NHS: variants seen among roughly 807,000 people sequenced by gnomAD.
The protein encoded by NHS is NHS actin remodeling regulator.
Under a neutral mutation model 72.5 loss-of-function variants are expected in NHS, and 5 were observed. The ratio of observed to expected loss-of-function variants is 0.07; its 90% CI spans 0.04 to 0.14. The LOEUF is 0.14. NHS is among the 10% of genes least tolerant of loss of function. The pLI is 1.00. For synonymous variants in NHS, 464 were observed against 547.7 expected (o/e 0.85, Z 2.13); for missense variants, 1,072 against 1,355.7 (o/e 0.79, Z 3.29).
intron 1 of NHS, among the ~76,000 whole-genome samples, chrX:17,399,194 C>T (rs957507772): frequency 2.7e-5 from 3 of 110,236 alleles, no homozygotes; most frequent in South Asian, 7.8e-4. Context: ...CTCCACCTCC[C>T]GGGTTCAAGT....
Position 17,489,739 on chromosome X carries a change from G to A in NHS, c.565+113417G>A, listed in dbSNP as rs138198155. 4.6e-3 allele frequency among the ~76,000 whole-genome samples: 510 copies of A among 111,756 alleles called. 4 individuals carry two copies. Among genetic ancestry groups the A allele is most frequent in the African/African-American group, 0.015 (476 of 30,762 alleles). ...CCTGACCTTGTGATCTGCCCACCTC[G>A]GCCTCCCAAAGTGCTGGGATTACAG... On this transcript the variant is annotated intron_variant, in intron 1 of 8. Transcript: ENST00000676302.
chrX:17,673,566 T>A (rs1312616276), intron 1 of NHS, among the ~76,000 whole-genome samples: 1 of 111,344 alleles, frequency 9.0e-6, no homozygotes, highest in Non-Finnish European at 1.9e-5. Flanking sequence ...CAAATAAGAT[T>A]AGCTATATTG....
intron 1 of NHS, among the ~76,000 whole-genome samples, chrX:17,673,944 G>A (rs1039158265): frequency 8.9e-6 from 1 of 111,968 alleles, no homozygotes. Flanking sequence ...TTTTGAACTT[G>A]TGTGGCAGCC....
intron 1 of NHS, among the ~76,000 whole-genome samples, chrX:17,671,108 G>A (rs1440787684): frequency 8.9e-6 from 1 of 112,252 alleles, no homozygotes; most frequent in Non-Finnish European, 1.9e-5. Context: ...CACTGCCTGA[G>A]GATCCTCCCT....
At chrX:17,570,718 C>G (rs58403330) in intron 1 of NHS, among the ~76,000 whole-genome samples, 2 of 111,021 alleles carry the variant, frequency 1.8e-5, no homozygotes, top group East Asian at 5.6e-4. Flanking sequence ...TGAATAGGAG[C>G]GGTGAGAGAG....
At chrX:17,618,575 C>T (rs1413750767) in intron 1 of NHS, among the ~76,000 whole-genome samples, 2 of 111,942 alleles carry the variant, frequency 1.8e-5, no homozygotes, top group African/African-American at 6.5e-5. Flanking sequence ...GGAATAGAGA[C>T]ATGCAATGTA....
chrX:17,635,375 A>C (rs2065840524), intron 1 of NHS: 1 of 1,129,928 alleles, frequency 8.9e-7, no homozygotes, highest in African/African-American at 1.8e-5. Context: ...TCCAGGGGGG[A>C]GTCCTAGATG....
intron 1 of NHS, among the ~76,000 whole-genome samples, chrX:17,628,868 A>T (rs1410481613): frequency 8.8e-6 from 1 of 113,317 alleles, no homozygotes; most frequent in Non-Finnish European, 1.9e-5. Flanking sequence ...AATAGCACAT[A>T]CAAAGAACTT....
intron 1 of NHS, among the ~76,000 whole-genome samples, chrX:17,637,031 A>C (rs948935960): frequency 8.9e-6 from 1 of 111,872 alleles, no homozygotes; most frequent in Non-Finnish European, 1.9e-5. Context: ...ATAACAGTGC[A>C]TGTTTTTAAA....
At chrX:17,421,360 G>A (rs1405742971) in intron 1 of NHS, among the ~76,000 whole-genome samples, 4 of 109,532 alleles carry the variant, frequency 3.7e-5, no homozygotes, top group Non-Finnish European at 7.6e-5. Flanking sequence ...TCTTTCTGGC[G>A]GAGAGTCATT....
chrX:17,516,319 G>A (rs1452160027), intron 1 of NHS, among the ~76,000 whole-genome samples: 1 of 111,393 alleles, frequency 9.0e-6, no homozygotes, highest in African/African-American at 3.3e-5. Flanking sequence ...AGAAGCATTA[G>A]GCTTGGAGAA....
At chrX:17,418,202 A>G (rs1298285576) in intron 1 of NHS, among the ~76,000 whole-genome samples, 1 of 112,207 alleles carries the variant, frequency 8.9e-6, no homozygotes, top group African/African-American at 3.2e-5. Context: ...TAATGCAAAA[A>G]GAGAAGGTAA....
intron 1 of NHS, among the ~76,000 whole-genome samples, chrX:17,452,501 T>G (rs1438770354): frequency 9.3e-6 from 1 of 107,598 alleles, no homozygotes; most frequent in Non-Finnish European, 1.9e-5. Context: ...GTTTTTTTTT[T>G]TTGTTTTTGT....
At chrX:17,611,037 A>C (rs1231620788) in intron 1 of NHS, among the ~76,000 whole-genome samples, 1 of 112,427 alleles carries the variant, frequency 8.9e-6, no homozygotes, top group Non-Finnish European at 1.9e-5. Flanking sequence ...AATTGCGCTT[A>C]AGATGAATCT....
chrX:17,400,110 G>A (rs2064496033), intron 1 of NHS, among the ~76,000 whole-genome samples: 1 of 111,557 alleles, frequency 9.0e-6, no homozygotes, highest in African/African-American at 3.3e-5. Context: ...AATTGGAAAA[G>A]CAGAAGTAAA....
chrX:17,602,917 C>T (rs2065659181), intron 1 of NHS, among the ~76,000 whole-genome samples: 2 of 105,930 alleles, frequency 1.9e-5, no homozygotes, highest in Non-Finnish European at 3.9e-5. Flanking sequence ...CATAGCTCAC[C>T]GCAGCTTCTA....
chrX:17,411,685 A>G (rs2064559619), intron 1 of NHS, among the ~76,000 whole-genome samples: 1 of 111,791 alleles, frequency 8.9e-6, no homozygotes. Flanking sequence ...AGAAATATTG[A>G]ACTTAGAAAT....
chrX:17,527,806 G>A (rs2065180344), intron 1 of NHS, among the ~76,000 whole-genome samples: 1 of 111,056 alleles, frequency 9.0e-6, no homozygotes, highest in Non-Finnish European at 1.9e-5. Flanking sequence ...ACTACAAGCC[G>A]CTCCCTTTTT....
intron 8 of NHS, among the ~76,000 whole-genome samples, chrX:17,730,640 A>G (rs969734647): frequency 3.5e-5 from 4 of 112,768 alleles, no homozygotes; most frequent in African/African-American, 9.7e-5. Flanking sequence ...CTGCTGATTT[A>G]CCAAAGAAAA....
Sources: allele counts gnomAD v4.1 joint callset (sites outside exome capture counted in the v4.1 genomes callset), GRCh38; gene constraint gnomAD v4.1.1; transcripts MANE v1.5; gene names NCBI Gene and HGNC (gene_info 2026-07-23, HGNC 2026-07-21).